KDM2B: variants seen among roughly 807,000 people sequenced by gnomAD.
KDM2B encodes lysine demethylase 2B.
KDM2B carries 26 observed loss-of-function variants against 150.0 expected under a neutral mutation model. The ratio of observed to expected loss-of-function variants is 0.17; its 90% CI spans 0.13 to 0.24. KDM2B has a LOEUF of 0.24. KDM2B is among the 10% of genes least tolerant of loss of function. The pLI is 1.00. For synonymous variants in KDM2B, 734 were observed against 729.5 expected, an observed-to-expected ratio of 1.01 and a Z score of -0.10; for missense variants, 1,265 against 1,816.9, an observed-to-expected ratio of 0.70 and a Z score of 5.52.
rs1555315641 is a variant in KDM2B, at chr12:121,569,843, TTTC to T, written c.397+4701_397+4703del. Among the ~76,000 whole-genome samples, 5 of 151,452 alleles carry T rather than the reference TTTC, an allele frequency of 3.3e-5. 1 individual carries two copies. Among genetic ancestry groups the T allele is most frequent in the African/African-American group, 1.2e-4 (5 of 40,988 alleles). On this transcript the variant is annotated intron_variant, in intron 4 of 22. Coordinates refer to ENST00000377071, the MANE Select transcript of KDM2B (RefSeq NM_032590.5). ...CTTTTTTCTTTTCTTTCTTTCTTTC[TTTC>T]TTTTTTTTTTTGAGACAGGATCTCG...
intron 12 of KDM2B, among the ~76,000 whole-genome samples, chr12:121,462,453 T>C (rs1879241034): frequency 6.6e-6 from 1 of 151,922 alleles, no homozygotes; most frequent in Non-Finnish European, 1.5e-5. Context: ...AACTTTTGCA[T>C]ACATTTTCAA....
chr12:121,456,217 C>A (rs781957911), intron 12 of KDM2B, among the ~76,000 whole-genome samples: 2 of 152,196 alleles, frequency 1.3e-5, no homozygotes, highest in Non-Finnish European at 2.9e-5. Context: ...CAGCGAGGGG[C>A]CCACAGACCC....
intron 12 of KDM2B, among the ~76,000 whole-genome samples, chr12:121,454,228 C>T (rs1293223406): frequency 6.6e-6 from 1 of 152,224 alleles, no homozygotes; most frequent in East Asian, 1.9e-4. Flanking sequence ...GTGTCTTGTG[C>T]ACCACTGCAC....
At chr12:121,455,407 G>C (rs1319275676) in intron 12 of KDM2B, among the ~76,000 whole-genome samples, 1 of 152,200 alleles carries the variant, frequency 6.6e-6, no homozygotes, top group Non-Finnish European at 1.5e-5. Context: ...CTGGGTAAAG[G>C]GACCATCCAA....
intron 12 of KDM2B, among the ~76,000 whole-genome samples, chr12:121,472,705 C>T (rs901866895): frequency 6.6e-6 from 1 of 152,152 alleles, no homozygotes; most frequent in Non-Finnish European, 1.5e-5. Context: ...ACATGTTTTT[C>T]CACCACTCAC....
the KDM2B span, among the ~76,000 whole-genome samples, chr12:121,409,165 A>G: frequency 6.6e-6 from 1 of 152,068 alleles, no homozygotes; most frequent in Non-Finnish European, 1.5e-5. Flanking sequence ...TTTTTAGTAG[A>G]GACGGGGTTT....
intron 12 of KDM2B, among the ~76,000 whole-genome samples, chr12:121,463,680 AAGCAATTCTCCCACCTC>A (rs1879427019): frequency 6.6e-6 from 1 of 152,206 alleles, no homozygotes; most frequent in Non-Finnish European, 1.5e-5. Flanking sequence ...TCCTGCGCTC[AAGCAATTCTCCCACCTC>A]AGCCTCCGAG....
intron 4 of KDM2B, among the ~76,000 whole-genome samples, chr12:121,574,109 T>C (rs1472160173): frequency 1.3e-5 from 2 of 152,192 alleles, no homozygotes; most frequent in African/African-American, 4.8e-5. Context: ...GGAGCTCATG[T>C]GCATTTGCTG....
intron 6 of KDM2B, among the ~76,000 whole-genome samples, chr12:121,535,613 A>T (rs1888025209): frequency 6.6e-6 from 1 of 152,236 alleles, no homozygotes; most frequent in South Asian, 2.1e-4. Context: ...GAGAAATTAA[A>T]TTGGGGGTGG....
intron 8 of KDM2B, among the ~76,000 whole-genome samples, chr12:121,530,680 G>C (rs1181141177): frequency 1.3e-5 from 2 of 152,116 alleles, no homozygotes; most frequent in African/African-American, 4.8e-5. Context: ...ACTCCTGCTT[G>C]CAGCAACTCA....
chr12:121,449,200 G>A (rs1297809609), intron 13 of KDM2B, among the ~76,000 whole-genome samples: 1 of 151,538 alleles, frequency 6.6e-6, no homozygotes, highest in African/African-American at 2.4e-5. Context: ...TGGGGCGCAT[G>A]TGGGGGGGCA....
intron 11 of KDM2B, among the ~76,000 whole-genome samples, chr12:121,509,102 A>G (rs1885350240): frequency 6.6e-6 from 1 of 152,138 alleles, no homozygotes; most frequent in African/African-American, 2.4e-5. Flanking sequence ...TCTGTTGCCC[A>G]GGCTGGAGTG....
At chr12:121,526,327 T>G (rs567134786) in intron 8 of KDM2B, among the ~76,000 whole-genome samples, 1 of 152,104 alleles carries the variant, frequency 6.6e-6, no homozygotes, top group Non-Finnish European at 1.5e-5. Context: ...CCCTCCAGCC[T>G]GGGTGACAGA....
chr12:121,444,338 C>G (rs55671311), intron 15 of KDM2B, 66 bp from the exon 16 acceptor site: 119,032 of 1,607,208 alleles, frequency 0.074, 5,007 homozygotes, highest in Middle Eastern at 0.097. Flanking sequence ...CTTCCTCCTC[C>G]CCAGGCCGAC....
the KDM2B span, among the ~76,000 whole-genome samples, chr12:121,412,905 C>T: frequency 2.0e-5 from 3 of 150,256 alleles, no homozygotes; most frequent in Non-Finnish European, 3.0e-5. Flanking sequence ...TTAGTAGAGA[C>T]GGGGTTTCAC....
Position 121,516,494 on chromosome 12 carries a change from C to G in KDM2B, c.1048-3092G>C, listed in dbSNP as rs1402526503. The G allele has an allele frequency of 2.9e-6, 4 of 1,379,914 alleles. No individual in the cohort carries two copies. In the African/African-American group the frequency reaches 4.3e-5, roughly 15 times the overall value. The allele number at this position is 1,379,914 out of a possible 1,614,324, so 85.5% of individuals were successfully genotyped here. A position where few individuals can be genotyped will look rare whatever the true frequency, so the allele number is the denominator to read the frequency against. ...AAACAGGTTGTCGCCTTCCACCCTTCGCCTTCAAAAGGTTTCAGCCACATG... is the reference window on the plus strand; with the variant it reads ...AAACAGGTTGTCGCCTTCCACCCTTGGCCTTCAAAAGGTTTCAGCCACATG... On this transcript the variant is annotated intron_variant, in intron 9 of 22. Coordinates refer to ENST00000377071, the MANE Select transcript of KDM2B (RefSeq NM_032590.5).
chr12:121,568,047 T>C (rs76636865), intron 4 of KDM2B, among the ~76,000 whole-genome samples: 3,109 of 152,188 alleles, frequency 0.02, 100 homozygotes, highest in African/African-American at 0.068. Context: ...TAAATTGTTG[T>C]TGAAGCCCCC....
At chr12:121,558,751 A>G (rs1314857905) in intron 4 of KDM2B, among the ~76,000 whole-genome samples, 3 of 151,894 alleles carry the variant, frequency 2.0e-5, no homozygotes, top group East Asian at 1.9e-4. Flanking sequence ...CACTGCGCCC[A>G]GCCTAATTTT....
intron 11 of KDM2B, among the ~76,000 whole-genome samples, chr12:121,502,953 A>T (rs1304878983): frequency 2.7e-5 from 4 of 149,272 alleles, no homozygotes; most frequent in Non-Finnish European, 4.4e-5. Context: ...TTTTTTTTTT[A>T]AAAAAGGAAA....
Sources: allele counts gnomAD v4.1 joint callset (sites outside exome capture counted in the v4.1 genomes callset), GRCh38; gene constraint gnomAD v4.1.1; transcripts MANE v1.5; gene names NCBI Gene and HGNC (gene_info 2026-07-23, HGNC 2026-07-21).